The following FAM184B variants were observed in gnomAD, a reference collection of about 807,000 sequenced individuals.
FAM184B encodes the protein protein FAM184B.
FAM184B carries 111 observed loss-of-function variants against 135.9 expected under a neutral mutation model. The observed-to-expected ratio is 0.82, with a 90% CI of 0.70 to 0.96. The LOEUF (loss-of-function observed/expected upper bound fraction) is 0.96. Among genes scored for constraint, FAM184B ranks in the 40% least tolerant of loss-of-function variants. The pLI, the probability that FAM184B is intolerant of heterozygous loss-of-function variation, is 0.00. For synonymous variants in FAM184B, 552 were observed against 524.8 expected (o/e 1.05, Z -0.71); for missense variants, 1,375 against 1,323.9 (o/e 1.04, Z -0.60).
At chr4:17,708,017 A>T (rs1170425586) in intron 2 of FAM184B, among the ~76,000 whole-genome samples, 1 of 152,184 alleles carries the variant, frequency 6.6e-6, no homozygotes, top group Non-Finnish European at 1.5e-5. Flanking sequence ...GAGTGTTAGA[A>T]ATACTAACTG....
chr4:17,693,026 A>G (rs1218119715), intron 6 of FAM184B, among the ~76,000 whole-genome samples: 1 of 94,662 alleles, frequency 1.1e-5, no homozygotes, highest in Non-Finnish European at 2.3e-5. Flanking sequence ...AGGCAGGGGA[A>G]CTGCAGGCTA....
chr4:17,666,915 C>T (rs1282539630), intron 7 of FAM184B, among the ~76,000 whole-genome samples: 1 of 151,944 alleles, frequency 6.6e-6, no homozygotes, highest in Non-Finnish European at 1.5e-5. Context: ...ACCACTCTCT[C>T]CCATACTTGC....
At chr4:17,635,485 CAT>C (rs1307364576) in intron 15 of FAM184B, among the ~76,000 whole-genome samples, 1 of 152,138 alleles carries the variant, frequency 6.6e-6, no homozygotes, top group Non-Finnish European at 1.5e-5. Flanking sequence ...TGTTGCCTAA[CAT>C]ATACAAACAT....
At chr4:17,686,313 T>G (rs1716585254) in intron 7 of FAM184B, among the ~76,000 whole-genome samples, 1 of 152,226 alleles carries the variant, frequency 6.6e-6, no homozygotes, top group Non-Finnish European at 1.5e-5. Flanking sequence ...GGGCAAGCCC[T>G]GTGGATGAGG....
chr4:17,723,975 A>G (rs1452154398), intron 1 of FAM184B, among the ~76,000 whole-genome samples: 3 of 152,148 alleles, frequency 2.0e-5, no homozygotes, highest in East Asian at 1.9e-4. Flanking sequence ...CTCTTAAACA[A>G]GGTACAATCT....
chr4:17,643,782 A>C (rs1414214345), intron 12 of FAM184B, among the ~76,000 whole-genome samples: 1 of 152,212 alleles, frequency 6.6e-6, no homozygotes, highest in Non-Finnish European at 1.5e-5. Flanking sequence ...GCCACCAATG[A>C]ATCCTCACCA....
chr4:17,732,649 C>A (rs1717809054), intron 1 of FAM184B, among the ~76,000 whole-genome samples: 1 of 152,174 alleles, frequency 6.6e-6, no homozygotes, highest in Admixed American at 6.5e-5. Flanking sequence ...AGAAGTGAAT[C>A]TCTGAATAGA....
chr4:17,780,058 A>C (rs1249153996), intron 1 of FAM184B, among the ~76,000 whole-genome samples: 1 of 152,208 alleles, frequency 6.6e-6, no homozygotes, highest in African/African-American at 2.4e-5. Context: ...GTTTGGAGAC[A>C]GGCTCACGTG....
At chr4:17,670,040 T>C (rs1716135037) in intron 7 of FAM184B, among the ~76,000 whole-genome samples, 1 of 152,184 alleles carries the variant, frequency 6.6e-6, no homozygotes, top group African/African-American at 2.4e-5. Context: ...AGTGCTCACA[T>C]TTTACAGACT....
chr4:17,726,804 T>C (rs1047090496), intron 1 of FAM184B, among the ~76,000 whole-genome samples: 9 of 152,216 alleles, frequency 5.9e-5, no homozygotes, highest in African/African-American at 1.9e-4. Context: ...CAGCTCAGCC[T>C]GCCCCAGGAA....
intron 1 of FAM184B, among the ~76,000 whole-genome samples, chr4:17,767,067 G>A (rs1036524592): frequency 2.0e-5 from 3 of 152,136 alleles, no homozygotes; most frequent in South Asian, 2.1e-4. Context: ...GCCCCTCACT[G>A]CCTGGGGCCA....
intron 1 of FAM184B, among the ~76,000 whole-genome samples, chr4:17,769,232 A>G (rs1166994164): frequency 6.6e-6 from 1 of 152,242 alleles, no homozygotes; most frequent in Non-Finnish European, 1.5e-5. Flanking sequence ...AACAGGTTAC[A>G]CAATAGTTAC....
chr4:17,662,523 C>A (rs371722852), intron 8 of FAM184B, among the ~76,000 whole-genome samples: 2 of 151,854 alleles, frequency 1.3e-5, no homozygotes, highest in South Asian at 2.1e-4. Context: ...TTTTTAGTAG[C>A]GATGAAGTTT....
chr4:17,697,415 AAC>A (rs1226596180), intron 5 of FAM184B, among the ~76,000 whole-genome samples: 2 of 140,596 alleles, frequency 1.4e-5, no homozygotes, highest in Non-Finnish European at 3.1e-5. Flanking sequence ...AAGAAAAAAA[AAC>A]CCTGGATATT....
rs1379611315 is a variant in FAM184B, at chr4:17,639,366, C to T, written c.2550G>A (p.Arg850=). 6.4e-7 allele frequency: 1 copy of T among 1,551,634 alleles called. No individual in the cohort carries two copies. Among genetic ancestry groups the T allele is most frequent in the Non-Finnish European group, 8.7e-7 (1 of 1,147,008 alleles). Residue 850 remains arginine, a synonymous_variant, in exon 14 of 18, where the codon CGG becomes CGA. Coordinates refer to ENST00000265018, the MANE Select transcript of FAM184B (RefSeq NM_015688.2). ...RFLEETQQAQ[R]AREVETLRQE... is the part of the protein sequence containing the mutation. ...GGCGCAGTGTCTCCACCTCCCTGGCCCGCTGGGCTTGCTGAGTCTCCTCCA... is the reference window on the plus strand; with the variant it reads ...GGCGCAGTGTCTCCACCTCCCTGGCTCGCTGGGCTTGCTGAGTCTCCTCCA...
chr4:17,660,095 G>A lies in FAM184B; in HGVS notation c.1695-8C>T. The A allele has an allele frequency of 1.3e-6, 2 of 1,551,100 alleles. No homozygotes were observed. The highest frequency in any genetic ancestry group is 1.7e-6 in the Non-Finnish European group (2 of 1,146,790). On this transcript the variant is annotated splice_region_variant and splice_polypyrimidine_tract_variant and intron_variant, in intron 8 of 17. Coordinates refer to ENST00000265018, the MANE Select transcript of FAM184B (RefSeq NM_015688.2). ...TTGAGAAGCACTTTGGTCCTTTGAA[G>A]ATAAGGATGCCACAATCACAAAAGA...
intron 1 of FAM184B, among the ~76,000 whole-genome samples, chr4:17,719,177 C>A (rs543653842): frequency 6.6e-6 from 1 of 152,116 alleles, no homozygotes; most frequent in Non-Finnish European, 1.5e-5. Context: ...TGCTCTTGAG[C>A]TTTGGGGCCA....
rs567116806 is a variant in FAM184B at position 17,709,680 on chromosome 4, G to A, written c.142-36C>T. ...ATCAACAGAGCCCAGTTAGGGTGAG[G>A]GGGCTGGGGTGTGGGAGGGCTGAGG... On this transcript the variant is annotated intron_variant, in intron 1 of 17. Transcript: ENST00000265018. 1.6e-5 allele frequency: 23 copies of A among 1,452,848 alleles called. No individual in the cohort carries two copies. In the African/African-American group the frequency reaches 2.6e-4, roughly 16 times the overall value. 90.0% of individuals were successfully genotyped at this position (1,452,848 alleles called of 1,614,324 possible). A position where few individuals can be genotyped will look rare whatever the true frequency, so the allele number is the denominator to read the frequency against.
chr4:17,747,877 C>T (rs1309034114), intron 1 of FAM184B, among the ~76,000 whole-genome samples: 33 of 142,140 alleles, frequency 2.3e-4, no homozygotes, highest in African/African-American at 7.8e-4. Flanking sequence ...GCCGAGATTG[C>T]GCCACTGCAC....
Sources: gnomAD v4.1 joint callset for allele counts (sites outside exome capture counted in the v4.1 genomes callset) on GRCh38, gnomAD v4.1.1 for gene constraint, MANE v1.5 for transcripts, NCBI Gene and HGNC (gene_info 2026-07-23, HGNC 2026-07-21) for gene names.